MAGI1: variants seen among roughly 807,000 people sequenced by gnomAD.
MAGI1 encodes membrane-associated guanylate kinase, WW and PDZ domain-containing protein 1.
A neutral mutation model predicts 139.9 loss-of-function variants in MAGI1; 58 were observed. That is an observed-to-expected ratio of 0.41 (90% confidence interval 0.34 to 0.52). The LOEUF (loss-of-function observed/expected upper bound fraction) is 0.52. Ranked by LOEUF, MAGI1 falls within the 20% of genes least tolerant of loss-of-function variation. The pLI is 0.12. For synonymous variants in MAGI1, 812 were observed against 737.9 expected (o/e 1.10, Z -1.63); for missense variants, 1,874 against 1,901.6 (o/e 0.99, Z 0.27).
Position 66,038,404 on chromosome 3 carries a change from T to A in MAGI1, c.-96A>T, listed in dbSNP as rs187698573. 2 of 1,462,188 alleles carry A rather than the reference T, an allele frequency of 1.4e-6. No individual in the cohort carries two copies. The highest frequency in any genetic ancestry group is 1.8e-6 in the Non-Finnish European group (2 of 1,105,886). 90.6% of individuals were successfully genotyped at this position (1,462,188 alleles called of 1,614,324 possible). On this transcript the variant is annotated 5_prime_UTR_variant, in exon 1 of 23. An upstream start codon of the reference 5' UTR is lost. Transcript: ENST00000402939. ...CCTCCGCTTGTTCATGGGAGAAACA[T>A]CTCTCCCCAAATCACAAAACAGGAG...
chr3:65,579,085 G>T (rs1020331204), intron 2 of MAGI1, among the ~76,000 whole-genome samples: 5 of 151,992 alleles, frequency 3.3e-5, no homozygotes, highest in South Asian at 2.1e-4. Flanking sequence ...AAAGAAGATT[G>T]GATAATTACA....
intron 1 of MAGI1, among the ~76,000 whole-genome samples, chr3:65,914,814 C>A (rs570784238): frequency 6.6e-6 from 1 of 152,338 alleles, no homozygotes; most frequent in South Asian, 2.1e-4. Context: ...CACTGTACAA[C>A]AGAGTTCAAT....
intron 1 of MAGI1, among the ~76,000 whole-genome samples, chr3:65,883,479 A>C (rs2060414891): frequency 6.6e-6 from 1 of 152,230 alleles, no homozygotes; most frequent in Non-Finnish European, 1.5e-5. Flanking sequence ...AATTCTTCAC[A>C]ACAATTATAA....
intron 2 of MAGI1, among the ~76,000 whole-genome samples, chr3:65,496,803 C>G (rs1952490247): frequency 6.6e-6 from 1 of 152,156 alleles, no homozygotes; most frequent in South Asian, 2.1e-4. Context: ...GGTAAGTATC[C>G]TAGCACTTAA....
At chr3:65,602,740 G>A (rs2082541331) in intron 2 of MAGI1, among the ~76,000 whole-genome samples, 1 of 151,934 alleles carries the variant, frequency 6.6e-6, no homozygotes, top group African/African-American at 2.4e-5. Flanking sequence ...AAGAAATAAT[G>A]AAATTAAGGT....
At chr3:65,943,670 T>C (rs906277213) in intron 1 of MAGI1, among the ~76,000 whole-genome samples, 4 of 152,132 alleles carry the variant, frequency 2.6e-5, no homozygotes, top group Non-Finnish European at 4.4e-5. Flanking sequence ...TATATATGTG[T>C]GTATATAGAT....
rs529681379 is a variant in MAGI1, at chr3:65,690,658, T to A, written c.314-68570A>T. ...ATTTTTAATTTTTTTTTTTTTTTTT[T>A]AAGTAGAGACAGGGTTTCACCATGT... On this transcript the variant is annotated intron_variant, in intron 1 of 22. Transcript: ENST00000402939. Among the ~76,000 whole-genome samples the A allele has an allele frequency of 5.1e-5, 6 of 118,712 alleles. No individual in the cohort carries two copies. In the South Asian group the frequency reaches 1.7e-3, roughly 33 times the overall value. The allele number at this position is 118,712 out of a possible 152,430, so 77.9% of individuals were successfully genotyped here. A position where few individuals can be genotyped will look rare whatever the true frequency, so the allele number is the denominator to read the frequency against.
At chr3:65,912,055 A>C (rs2061691921) in intron 1 of MAGI1, among the ~76,000 whole-genome samples, 1 of 152,218 alleles carries the variant, frequency 6.6e-6, no homozygotes, top group Non-Finnish European at 1.5e-5. Context: ...TAGAACTTGA[A>C]AGGGAAAAGG....
At chr3:65,714,853 T>C (rs920088292) in intron 1 of MAGI1, among the ~76,000 whole-genome samples, 6 of 152,158 alleles carry the variant, frequency 3.9e-5, no homozygotes, top group African/African-American at 1.4e-4. Context: ...TTTACCACTG[T>C]GACCAAGCCT....
intron 13 of MAGI1, among the ~76,000 whole-genome samples, chr3:65,392,222 GCT>G (rs1943982206): frequency 6.6e-6 from 1 of 152,144 alleles, no homozygotes; most frequent in African/African-American, 2.4e-5. Context: ...TTTACAAAAA[GCT>G]CTGTTAGAAT....
intron 2 of MAGI1, among the ~76,000 whole-genome samples, chr3:65,553,420 A>T (rs962366934): frequency 6.6e-6 from 1 of 152,130 alleles, no homozygotes; most frequent in South Asian, 2.1e-4. Context: ...TTGAAAAAAA[A>T]ATTTTTTTAA....
chr3:65,968,341 G>A (rs2064858414), intron 1 of MAGI1, among the ~76,000 whole-genome samples: 1 of 152,124 alleles, frequency 6.6e-6, no homozygotes, highest in Non-Finnish European at 1.5e-5. Flanking sequence ...AGCATTGTTT[G>A]TAAAAACAAA....
At chr3:65,884,283 A>G (rs2060447115) in intron 1 of MAGI1, among the ~76,000 whole-genome samples, 1 of 152,258 alleles carries the variant, frequency 6.6e-6, no homozygotes, top group Admixed American at 6.5e-5. Context: ...GACACTGTGC[A>G]TATAGCACAT....
intron 1 of MAGI1, among the ~76,000 whole-genome samples, chr3:65,712,264 T>C (rs563221109): frequency 6.6e-6 from 1 of 152,096 alleles, no homozygotes; most frequent in Admixed American, 6.5e-5. Context: ...TACTCAGTCT[T>C]GGCGCCCACC....
chr3:65,888,986 T>C (rs1010312743), intron 1 of MAGI1, among the ~76,000 whole-genome samples: 2 of 152,230 alleles, frequency 1.3e-5, no homozygotes, highest in African/African-American at 2.4e-5. Flanking sequence ...TGTATACATA[T>C]GTAACAAATA....
chr3:65,395,808 G>T (rs1944348886), intron 13 of MAGI1, among the ~76,000 whole-genome samples: 1 of 151,676 alleles, frequency 6.6e-6, no homozygotes, highest in Non-Finnish European at 1.5e-5. Flanking sequence ...TTCAAGAGGG[G>T]GAATCCATTA....
chr3:65,966,486 G>A (rs1355398401), intron 1 of MAGI1, among the ~76,000 whole-genome samples: 4 of 152,030 alleles, frequency 2.6e-5, no homozygotes, highest in Non-Finnish European at 5.9e-5. Context: ...TCTTGCGACT[G>A]ACAAAAAGAG....
chr3:65,425,135 A>AAAC lies in MAGI1; in HGVS notation c.2167+4384_2167+4385insGTT, dbSNP rs1553642523. On this transcript the variant is annotated intron_variant, in intron 12 of 22. Transcript: ENST00000402939. ...AAAAAAAAAAAAAAAAAAAAAAACA[A>AAAC]AAAAAAACACACATGCCTAAACATC... Among the ~76,000 whole-genome samples the AAAC allele has an allele frequency of 7.9e-3, 685 of 87,234 alleles. 10 individuals carry two copies. Among genetic ancestry groups the AAAC allele is most frequent in the African/African-American group, 0.025 (582 of 23,544 alleles). 57.2% of individuals were successfully genotyped at this position (87,234 alleles called of 152,430 possible).
intron 2 of MAGI1, among the ~76,000 whole-genome samples, chr3:65,504,277 T>A (rs555167617): frequency 1.8e-4 from 28 of 152,304 alleles, no homozygotes; most frequent in African/African-American, 6.7e-4. Flanking sequence ...TGTGCAAGGA[T>A]ACAAACCCCT....
Sources: gnomAD v4.1 joint callset for allele counts (sites outside exome capture counted in the v4.1 genomes callset) on GRCh38, gnomAD v4.1.1 for gene constraint, MANE v1.5 for transcripts, NCBI Gene and HGNC (gene_info 2026-07-23, HGNC 2026-07-21) for gene names.